Variants in KIAA1328 observed in about 807,000 individuals in gnomAD.
KIAA1328 encodes the protein protein hinderin.
In KIAA1328, 52 loss-of-function variants were observed where a neutral mutation model predicts 68.1. That is an observed-to-expected ratio of 0.76 (90% CI 0.61 to 0.96). KIAA1328 has a LOEUF of 0.96. KIAA1328 is among the 40% of genes least tolerant of loss of function. KIAA1328 has a pLI of 0.00. For synonymous variants in KIAA1328, 232 were observed against 239.4 expected (o/e 0.97, Z 0.28); for missense variants, 641 against 677.6 (o/e 0.95, Z 0.60).
intron 3 of KIAA1328, among the ~76,000 whole-genome samples, chr18:36,837,867 A>G (rs1355525631): frequency 6.6e-6 from 1 of 151,914 alleles, no homozygotes; most frequent in African/African-American, 2.4e-5. Flanking sequence ...ATTTCTTGGC[A>G]CCCTTGTCAA....
At chr18:37,207,056 A>G (rs530521080) in intron 9 of KIAA1328, among the ~76,000 whole-genome samples, 14 of 152,334 alleles carry the variant, frequency 9.2e-5, no homozygotes, top group Middle Eastern at 3.4e-3. Context: ...ATATGATGGC[A>G]AAAAGGTAGA....
At chr18:37,162,052 A>T (rs1231622517) in intron 8 of KIAA1328, among the ~76,000 whole-genome samples, 1 of 152,218 alleles carries the variant, frequency 6.6e-6, no homozygotes, top group Non-Finnish European at 1.5e-5. Flanking sequence ...TTCAGAACCC[A>T]TTACTTTTTG....
At chr18:37,172,934 T>C in intron 8 of KIAA1328, 39 bp from the exon 9 acceptor site, 1 of 1,483,334 alleles carries the variant, frequency 6.7e-7, no homozygotes, top group Non-Finnish European at 9.3e-7. Context: ...CATTTTCTTT[T>C]ACTGAATGCC....
intron 4 of KIAA1328, among the ~76,000 whole-genome samples, chr18:36,880,134 T>G (rs968106406): frequency 2.0e-5 from 3 of 152,174 alleles, no homozygotes; most frequent in African/African-American, 7.2e-5. Context: ...AGTTTTGTGC[T>G]TTATACCCAG....
intron 5 of KIAA1328, among the ~76,000 whole-genome samples, chr18:36,957,717 G>T (rs2051481631): frequency 6.6e-6 from 1 of 151,990 alleles, no homozygotes; most frequent in Non-Finnish European, 1.5e-5. Context: ...ATATAGTTAG[G>T]AACTTTCTGT....
At chr18:37,143,194 A>G (rs2058812101) in intron 7 of KIAA1328, among the ~76,000 whole-genome samples, 1 of 151,888 alleles carries the variant, frequency 6.6e-6, no homozygotes, top group Non-Finnish European at 1.5e-5. Flanking sequence ...GCCTCAAGTA[A>G]TCTCCCTGCC....
rs552004101 is a variant in KIAA1328, at chr18:37,036,704, A to G, written c.577-30186A>G. ...TGCCCAAAGGCCACCCTCTTTCCACATGAAAACTGTCATGCAAGTTCAGCT... is the reference window on the plus strand; with the variant it reads ...TGCCCAAAGGCCACCCTCTTTCCACGTGAAAACTGTCATGCAAGTTCAGCT... On this transcript the variant is annotated intron_variant, in intron 6 of 9. Transcript: ENST00000280020. 1.6e-4 allele frequency among the ~76,000 whole-genome samples: 25 copies of G among 152,288 alleles called. No homozygotes were observed. The South Asian group carries it at 5.2e-3, about 32-fold the overall frequency.
chr18:36,842,678 T>A (rs76838873), intron 3 of KIAA1328, among the ~76,000 whole-genome samples: 2,074 of 151,838 alleles, frequency 0.014, 24 homozygotes, highest in African/African-American at 0.038. Flanking sequence ...TTATTTATTT[T>A]TTTTTTTTTG....
At chr18:36,908,318 C>A (rs2049297333) in intron 5 of KIAA1328, among the ~76,000 whole-genome samples, 1 of 152,096 alleles carries the variant, frequency 6.6e-6, no homozygotes, top group Non-Finnish European at 1.5e-5. Context: ...AACTTACAGA[C>A]AATTCAGCTA....
intron 4 of KIAA1328, among the ~76,000 whole-genome samples, chr18:36,847,001 A>G (rs557176235): frequency 3.3e-5 from 5 of 151,658 alleles, no homozygotes; most frequent in South Asian, 2.1e-4. Context: ...TGACTAATCT[A>G]TGTAACTCAT....
chr18:36,850,416 A>G (rs58797046), intron 4 of KIAA1328, among the ~76,000 whole-genome samples: 4,622 of 152,124 alleles, frequency 0.03, 220 homozygotes, highest in African/African-American at 0.11. Context: ...GCTTTTCTAT[A>G]TACAGTAGTC....
chr18:36,890,756 C>T (rs914763994), intron 5 of KIAA1328, among the ~76,000 whole-genome samples: 3 of 152,042 alleles, frequency 2.0e-5, no homozygotes, highest in African/African-American at 7.2e-5. Flanking sequence ...CAGAGTTGAA[C>T]GAATGGAAAG....
intron 7 of KIAA1328, among the ~76,000 whole-genome samples, chr18:37,090,872 A>G (rs758452360): frequency 6.6e-6 from 1 of 152,210 alleles, no homozygotes; most frequent in African/African-American, 2.4e-5. Flanking sequence ...TCAGTTAAGT[A>G]TGAAAGGAAG....
At chr18:37,062,072 C>A (rs762677540) in intron 6 of KIAA1328, among the ~76,000 whole-genome samples, 1 of 152,156 alleles carries the variant, frequency 6.6e-6, no homozygotes, top group Non-Finnish European at 1.5e-5. Context: ...CTTACAAGAA[C>A]CCTAAAAGGC....
At chr18:37,014,254 C>T (rs1357685262) in intron 6 of KIAA1328, among the ~76,000 whole-genome samples, 1 of 152,182 alleles carries the variant, frequency 6.6e-6, no homozygotes, top group Non-Finnish European at 1.5e-5. Flanking sequence ...CTGTTGGTTG[C>T]ATTGCATGCA....
At chr18:37,159,141 C>T (rs323311) in intron 7 of KIAA1328, among the ~76,000 whole-genome samples, 2 of 151,506 alleles carry the variant, frequency 1.3e-5, no homozygotes, top group East Asian at 3.9e-4. Flanking sequence ...TTATATAATT[C>T]TGAACATAAA....
At chr18:36,987,805 G>A (rs2053003914) in intron 6 of KIAA1328, among the ~76,000 whole-genome samples, 1 of 151,818 alleles carries the variant, frequency 6.6e-6, no homozygotes, top group African/African-American at 2.4e-5. Context: ...TTGCATGTCA[G>A]TCATATCTCA....
At chr18:36,910,906 C>T (rs537262615) in intron 5 of KIAA1328, among the ~76,000 whole-genome samples, 1 of 152,006 alleles carries the variant, frequency 6.6e-6, no homozygotes, top group African/African-American at 2.4e-5. Context: ...GAAATATACT[C>T]AGGAAAAGAA....
At chr18:37,020,662 G>C (rs544243411) in intron 6 of KIAA1328, among the ~76,000 whole-genome samples, 1 of 152,120 alleles carries the variant, frequency 6.6e-6, no homozygotes, top group Non-Finnish European at 1.5e-5. Flanking sequence ...ATATGTAATA[G>C]AATTTAATCC....
Sources: allele counts gnomAD v4.1 joint callset (sites outside exome capture counted in the v4.1 genomes callset), GRCh38; gene constraint gnomAD v4.1.1; transcripts MANE v1.5; gene names NCBI Gene and HGNC (gene_info 2026-07-23, HGNC 2026-07-21).